The following KCNIP4 variants were observed in gnomAD, a reference collection of about 807,000 sequenced individuals.
The protein encoded by KCNIP4 is Kv channel-interacting protein 4.
KCNIP4 carries 12 observed loss-of-function variants against 34.0 expected under a neutral mutation model. The ratio of observed to expected loss-of-function variants is 0.35; its 90% CI spans 0.23 to 0.57. KCNIP4 has a LOEUF of 0.57. Among genes scored for constraint, KCNIP4 ranks in the 20% least tolerant of loss-of-function variants. The pLI is 0.83. For synonymous variants in KCNIP4, 124 were observed against 102.2 expected (o/e 1.21, Z -1.29); for missense variants, 238 against 311.7 (o/e 0.76, Z 1.78).
intron 1 of KCNIP4, among the ~76,000 whole-genome samples, chr4:21,773,745 GT>G (rs55701942): frequency 0.29 from 33,189 of 115,066 alleles, 5,209 homozygotes; most frequent in East Asian, 0.66. Flanking sequence ...TTTTTTTGTT[GT>G]TTTTTTTTTT....
At chr4:20,917,510 G>A (rs1728968278) in intron 1 of KCNIP4, among the ~76,000 whole-genome samples, 1 of 152,124 alleles carries the variant, frequency 6.6e-6, no homozygotes, top group South Asian at 2.1e-4. Flanking sequence ...GAAGCTTATG[G>A]CCTAGCAAAA....
chr4:21,266,689 T>C (rs948220998), intron 1 of KCNIP4, among the ~76,000 whole-genome samples: 3 of 152,200 alleles, frequency 2.0e-5, no homozygotes, highest in African/African-American at 7.2e-5. Flanking sequence ...AGGTAGATCT[T>C]GTCTTAATTA....
At chr4:20,741,927 G>T (rs939099526) in intron 5 of KCNIP4, among the ~76,000 whole-genome samples, 1 of 152,202 alleles carries the variant, frequency 6.6e-6, no homozygotes, top group African/African-American at 2.4e-5. Flanking sequence ...TACCATCAGA[G>T]AATACGATGA....
intron 1 of KCNIP4, among the ~76,000 whole-genome samples, chr4:21,184,622 A>G (rs1403402970): frequency 6.6e-6 from 1 of 152,154 alleles, no homozygotes; most frequent in Non-Finnish European, 1.5e-5. Flanking sequence ...TGTTCCACTT[A>G]GGTTCGTTCT....
At position 21,102,963 on chromosome 4, in the gene KCNIP4, A is replaced by G. The variant is rs138937598; in HGVS notation, c.62-220254T>C. 5.9e-3 allele frequency among the ~76,000 whole-genome samples: 895 copies of G among 152,222 alleles called. 7 individuals carry two copies. The highest frequency in any genetic ancestry group is 0.021 in the African/African-American group (863 of 41,546). ...GTCAAACCACAGATTGGCTGGTAGG[A>G]AAAAAAGAAAATAGTTCATTTCCCC... On this transcript the variant is annotated intron_variant, in intron 1 of 8. Transcript: ENST00000382152.
intron 1 of KCNIP4, among the ~76,000 whole-genome samples, chr4:21,646,514 TA>T (rs1747035721): frequency 6.6e-6 from 1 of 152,220 alleles, no homozygotes. Flanking sequence ...AGAATAGCGC[TA>T]AACCAAAAAT....
At chr4:21,411,531 T>A (rs893494563) in intron 1 of KCNIP4, among the ~76,000 whole-genome samples, 2 of 151,786 alleles carry the variant, frequency 1.3e-5, no homozygotes, top group African/African-American at 4.8e-5. Flanking sequence ...GGAGTCAGAG[T>A]TGGCCAGGCA....
intron 1 of KCNIP4, among the ~76,000 whole-genome samples, chr4:21,836,209 C>T (rs1358848476): frequency 6.6e-6 from 1 of 152,006 alleles, no homozygotes; most frequent in Non-Finnish European, 1.5e-5. Flanking sequence ...TTACATATTC[C>T]ATAACAAAAT....
chr4:21,074,617 T>C (rs1259773379), intron 1 of KCNIP4, among the ~76,000 whole-genome samples: 1 of 152,066 alleles, frequency 6.6e-6, no homozygotes, highest in Non-Finnish European at 1.5e-5. Flanking sequence ...TTTTGAAGGG[T>C]TTTTTGTGTC....
chr4:21,679,526 C>G (rs1021605387), intron 1 of KCNIP4, among the ~76,000 whole-genome samples: 1 of 152,106 alleles, frequency 6.6e-6, no homozygotes, highest in Non-Finnish European at 1.5e-5. Context: ...GCCAGTGAAA[C>G]CCACCTCAAA....
rs563507553 is a variant in KCNIP4, at chr4:21,832,021, C to T, written c.61+116550G>A. Among the ~76,000 whole-genome samples, 3 of 152,182 alleles carry T rather than the reference C, an allele frequency of 2.0e-5. No individual in the cohort carries two copies. The East Asian group carries it at 5.8e-4, about 29-fold the overall frequency. ...TACTAGCAAACCAAATCCAACAGCA[C>T]ATTAAAACAGCACATATATCACAAT... On this transcript the variant is annotated intron_variant, in intron 1 of 8. Coordinates refer to ENST00000382152, the MANE Select transcript of KCNIP4 (RefSeq NM_025221.6).
chr4:20,777,557 C>T (rs1025196084), intron 3 of KCNIP4, among the ~76,000 whole-genome samples: 1 of 152,140 alleles, frequency 6.6e-6, no homozygotes, highest in Non-Finnish European at 1.5e-5. Flanking sequence ...TTCCATGAAC[C>T]AGGAAGAGGG....
intron 1 of KCNIP4, among the ~76,000 whole-genome samples, chr4:20,914,944 G>A (rs1318701670): frequency 1.3e-5 from 2 of 152,192 alleles, no homozygotes; most frequent in Non-Finnish European, 1.5e-5. Context: ...AAAGTTCTGA[G>A]AGACAGTAGT....
At position 20,735,798 on chromosome 4, in the gene KCNIP4, G is replaced by A. The variant is rs578206583; in HGVS notation, c.430-1063C>T. Among the ~76,000 whole-genome samples the A allele has an allele frequency of 2.6e-5, 4 of 152,244 alleles. No homozygotes were observed. The South Asian group carries it at 6.2e-4, about 24-fold the overall frequency. On this transcript the variant is annotated intron_variant, in intron 5 of 8. Coordinates refer to ENST00000382152, the MANE Select transcript of KCNIP4 (RefSeq NM_025221.6). ...GATCTGCCCACCGCCGCCTCTCAAA[G>A]TGCTGGGATTACAGGCGTGAGCCAC... is the stretch of plus-strand genomic sequence containing the variant.
intron 1 of KCNIP4, among the ~76,000 whole-genome samples, chr4:21,614,415 G>C (rs1744421821): frequency 6.6e-6 from 1 of 150,908 alleles, no homozygotes. Context: ...ACCTTCACTA[G>C]ACTATTTCCC....
intron 1 of KCNIP4, among the ~76,000 whole-genome samples, chr4:20,951,266 G>C (rs931804470): frequency 1.5e-4 from 23 of 152,076 alleles, no homozygotes; most frequent in African/African-American, 5.6e-4. Context: ...TGACTTGCAG[G>C]CTCCAGAACT....
intron 1 of KCNIP4, among the ~76,000 whole-genome samples, chr4:21,048,899 G>T (rs1485506422): frequency 6.7e-6 from 1 of 150,236 alleles, no homozygotes; most frequent in Admixed American, 6.6e-5. Flanking sequence ...GAGAGAGAGA[G>T]AGAGATCTAA....
At chr4:20,927,703 TCTAA>T (rs1485184819) in intron 1 of KCNIP4, among the ~76,000 whole-genome samples, 2 of 152,226 alleles carry the variant, frequency 1.3e-5, no homozygotes, top group Admixed American at 6.5e-5. Context: ...GAGACTGAAT[TCTAA>T]CTGTTTTCAG....
intron 1 of KCNIP4, among the ~76,000 whole-genome samples, chr4:21,415,479 G>T (rs1350604206): frequency 6.6e-6 from 1 of 151,526 alleles, no homozygotes; most frequent in Non-Finnish European, 1.5e-5. Flanking sequence ...ATCACCTTAG[G>T]TCAGGAGTTC....
Sources: gnomAD v4.1 joint callset for allele counts (sites outside exome capture counted in the v4.1 genomes callset) on GRCh38, gnomAD v4.1.1 for gene constraint, MANE v1.5 for transcripts, NCBI Gene and HGNC (gene_info 2026-07-23, HGNC 2026-07-21) for gene names.